Variants in CNTRL observed in about 807,000 individuals in gnomAD.
CNTRL encodes 110 kDa centrosomal protein.
A neutral mutation model predicts 303.7 loss-of-function variants in CNTRL; 233 were observed. The ratio of observed to expected loss-of-function variants is 0.77; its 90% confidence interval spans 0.69 to 0.86. The LOEUF (loss-of-function observed/expected upper bound fraction) is 0.86. Among genes scored for constraint, CNTRL ranks in the 40% least tolerant of loss-of-function variants. The pLI is 0.00. For missense variants in CNTRL, 2,524 were observed against 2,650.6 expected, an observed-to-expected ratio of 0.95 and a Z score of 1.05; for synonymous variants, 900 against 922.2, an observed-to-expected ratio of 0.98 and a Z score of 0.44.
intron 37 of CNTRL, 47 bp downstream of exon 37, chr9:121,167,724 A>C: frequency 6.5e-7 from 1 of 1,531,016 alleles, no homozygotes; most frequent in Non-Finnish European, 8.9e-7. Context: ...TTTGTGGCTC[A>C]TGTGAGCCTA....
intron 14 of CNTRL, among the ~76,000 whole-genome samples, chr9:121,127,675 C>T (rs551094681): frequency 1.5e-4 from 22 of 151,426 alleles, no homozygotes; most frequent in Non-Finnish European, 2.8e-4. Flanking sequence ...TATTATTATA[C>T]TTTAAGTTCT....
At chr9:121,168,660 G>A (rs1470371673) in intron 38 of CNTRL, among the ~76,000 whole-genome samples, 1 of 152,146 alleles carries the variant, frequency 6.6e-6, no homozygotes, top group East Asian at 1.9e-4. Flanking sequence ...CATCTCAAGT[G>A]TCAAAAAAAT....
chr9:121,164,960 A>C lies in CNTRL; in HGVS notation c.5441A>C (p.Glu1814Ala), dbSNP rs765449945. The C allele has an allele frequency of 1.6e-5, 25 of 1,612,652 alleles. No individual in the cohort carries two copies. In the South Asian group the frequency reaches 2.4e-4, roughly 16 times the overall value. ...AQTKRVLAAA[E>A]ENSKMEQSNL... is the part of the protein sequence containing the mutation. The stretch of plus-strand genomic sequence containing the variant: ...TGTGGTAGGGTTTTAGCAGCAGCAG[A>C]AGAAAATAGCAAAATGGAGCAATCA... The change falls in exon 35 of 44, where the codon GAA becomes GCA. Residue 1814 changes from glutamate to alanine, a missense_variant. Glu to Ala is a moderately radical substitution (Grantham distance 107). Coordinates refer to ENST00000373855, the MANE Select transcript of CNTRL (RefSeq NM_007018.6).
At chr9:121,149,202 G>A (rs1388151780) in intron 24 of CNTRL, among the ~76,000 whole-genome samples, 1 of 152,072 alleles carries the variant, frequency 6.6e-6, no homozygotes, top group Non-Finnish European at 1.5e-5. Context: ...CTTGCATCAC[G>A]GCATTAATCT....
In CNTRL at chr9:121,088,453, A is replaced by G; in HGVS notation, c.127A>G (p.Thr43Ala). ...ACTTTCACCTTTGATTGGATCAGAGACTCTACCTTTTCATTCTGGAGGACA... is the reference window on the plus strand; with the variant it reads ...ACTTTCACCTTTGATTGGATCAGAGGCTCTACCTTTTCATTCTGGAGGACA... The part of the protein sequence containing the change: ...RSLSPLIGSE[T>A]LPFHSGGQWC... The change falls in exon 3 of 44, where the codon ACT becomes GCT. Residue 43 changes from threonine to alanine, a missense_variant. Thr to Ala is a moderately conservative substitution (Grantham distance 58, BLOSUM62 0). Coordinates refer to ENST00000373855, the MANE Select transcript of CNTRL (RefSeq NM_007018.6). The G allele has an allele frequency of 3.1e-6, 5 of 1,612,612 alleles. No homozygotes were observed. Among genetic ancestry groups the G allele is most frequent in the African/African-American group, 1.3e-5 (1 of 74,918 alleles).
At chr9:121,090,783 CA>C (rs1329651342) in intron 4 of CNTRL, among the ~76,000 whole-genome samples, 1 of 152,182 alleles carries the variant, frequency 6.6e-6, no homozygotes, top group African/African-American at 2.4e-5. Context: ...CCCGCAAAGC[CA>C]AAAACATTTA....
Position 121,118,407 on chromosome 9 carries a change from A to G in CNTRL, c.1517A>G (p.Asn506Ser). Residue 506 changes from asparagine (N) to serine (S), a missense_variant, in exon 12 of 44, where the codon AAT becomes AGT. By Grantham distance (46) the Asn-to-Ser change is conservative (BLOSUM62 1). Coordinates refer to ENST00000373855, the MANE Select transcript of CNTRL (RefSeq NM_007018.6). ...KQLSGRLQLV[N>S]KLRQEALDLE... ...TTGAGTGGTAGACTACAACTTGTAA[A>G]TAAATTACGCCAGGAAGCTCTGGAT... 1 of 1,612,084 alleles carries G rather than the reference A, an allele frequency of 6.2e-7. No individual in the cohort carries two copies. The highest frequency in any genetic ancestry group is 8.5e-7 in the Non-Finnish European group (1 of 1,178,892).
chr9:121,125,425 C>T (rs2050462780), intron 13 of CNTRL, among the ~76,000 whole-genome samples: 2 of 152,154 alleles, frequency 1.3e-5, no homozygotes. Flanking sequence ...TCCCAAAGTG[C>T]TGGGATTACA....
chr9:121,076,018 T>C (rs2047908310), intron 1 of CNTRL, among the ~76,000 whole-genome samples: 2 of 152,234 alleles, frequency 1.3e-5, no homozygotes, highest in South Asian at 4.1e-4. Context: ...TTAAATTTGG[T>C]ATTGTCTAAG....
chr9:121,125,795 T>C lies in CNTRL; in HGVS notation c.1884T>C (p.Ile628=). ...GGTTGCAAGAATACCTGGGGACCATTAAAGGCCAGGCAACTCAGGCCCAGA... is the reference window on the plus strand; with the variant it reads ...GGTTGCAAGAATACCTGGGGACCATCAAAGGCCAGGCAACTCAGGCCCAGA... ...ISGLQEYLGT[I]KGQATQAQNE... The change falls in exon 14 of 44, where the codon ATT becomes ATC. Residue 628 remains isoleucine (I), a synonymous_variant. Coordinates refer to ENST00000373855, the MANE Select transcript of CNTRL (RefSeq NM_007018.6). 6.2e-7 allele frequency: 1 copy of C among 1,614,132 alleles called. No homozygotes were observed. The highest frequency in any genetic ancestry group is 1.1e-5 in the South Asian group (1 of 91,086).
intron 14 of CNTRL, among the ~76,000 whole-genome samples, chr9:121,130,504 A>G (rs2050790532): frequency 6.6e-6 from 1 of 151,858 alleles, no homozygotes; most frequent in African/African-American, 2.4e-5. Context: ...TATTGCATCT[A>G]TTTGATTCTA....
Position 121,118,539 on chromosome 9 carries a change from A to G in CNTRL, c.1649A>G (p.His550Arg), listed in dbSNP as rs746755532. Residue 550 changes from histidine to arginine, a missense_variant and splice_region_variant, in exon 12 of 44, where the codon CAT (histidine) becomes CGT (arginine). By Grantham distance (29) the His-to-Arg change is conservative (BLOSUM62 0). Transcript: ENST00000373855. ...IDSLDSKDPKHSHMKAQKSGK... is the reference protein window; with the variant it reads ...IDSLDSKDPKRSHMKAQKSGK... ...AGCCTGGATTCCAAAGACCCAAAAC[A>G]TGTGAGTAAATTAAGAAATTTTGAC... The G allele has an allele frequency of 1.9e-6, 3 of 1,580,112 alleles. No homozygotes were observed. The highest frequency in any genetic ancestry group is 1.7e-4 in the Middle Eastern group (1 of 5,880).
chr9:121,169,705 C>T lies in CNTRL; in HGVS notation c.6165C>T (p.Phe2055=), dbSNP rs772980366. The change falls in exon 39 of 44, where the codon TTC becomes TTT. Residue 2055 remains phenylalanine, a synonymous_variant. Transcript: ENST00000373855. ...QKEADSMRAD[F]SLLRNQFLTE... is the part of the protein sequence containing the mutation. Reference sequence around the variant, plus strand: ...AGGCAGATTCTATGAGGGCAGACTTCAGCCTTCTGCGGAACCAGTTCTTGA... The same window carrying T: ...AGGCAGATTCTATGAGGGCAGACTTTAGCCTTCTGCGGAACCAGTTCTTGA... The T allele has an allele frequency of 1.9e-6, 3 of 1,614,076 alleles. No individual in the cohort carries two copies. Among genetic ancestry groups the T allele is most frequent in the Admixed American group, 1.7e-5 (1 of 60,006 alleles).
chr9:121,124,702 CT>C (rs1472536361), intron 13 of CNTRL, among the ~76,000 whole-genome samples: 1 of 149,360 alleles, frequency 6.7e-6, no homozygotes, highest in Admixed American at 6.8e-5. Flanking sequence ...CTTTGGGAGG[CT>C]GAGGCGGGCA....
chr9:121,169,757 G>A lies in CNTRL; in HGVS notation c.6217G>A (p.Val2073Met). The A allele has an allele frequency of 6.2e-7, 1 of 1,614,232 alleles. No individual in the cohort carries two copies. The highest frequency in any genetic ancestry group is 8.5e-7 in the Non-Finnish European group (1 of 1,180,036). Residue 2073 changes from valine (V) to methionine (M), a missense_variant, in exon 39 of 44, where the codon GTG becomes ATG. By Grantham distance (21) the Val-to-Met change is conservative. Coordinates refer to ENST00000373855, the MANE Select transcript of CNTRL (RefSeq NM_007018.6). ...AGAAAGAAAGAAAGCTGAGAAGCAG[G>A]TGGCCAGCCTGAAGGAAGCACTTAA... Reference protein sequence around the residue: ...LTERKKAEKQVASLKEALKIQ... With the variant: ...LTERKKAEKQMASLKEALKIQ...
chr9:121,148,559 C>T, intron 23 of CNTRL, 113 bp from the exon 24 acceptor site: 1 of 952,418 alleles, frequency 1.0e-6, no homozygotes, highest in Non-Finnish European at 1.6e-6. Context: ...TGAAAAGAAG[C>T]CAAGTTCTTT....
intron 36 of CNTRL, 124 bp downstream of exon 36, chr9:121,166,304 T>G: frequency 3.3e-6 from 2 of 607,672 alleles, no homozygotes; most frequent in Non-Finnish European, 5.8e-6. Context: ...GGGCCATTTA[T>G]GTAACATAAC....
intron 12 of CNTRL, chr9:121,121,777 G>A (rs1031409218): frequency 3.5e-5 from 34 of 985,332 alleles, no homozygotes; most frequent in Non-Finnish European, 4.1e-5. Flanking sequence ...CTCACTCTTG[G>A]CCAAGAATGT....
intron 27 of CNTRL, among the ~76,000 whole-genome samples, chr9:121,156,881 G>A (rs2052600061): frequency 6.6e-6 from 1 of 152,184 alleles, no homozygotes; most frequent in Non-Finnish European, 1.5e-5. Flanking sequence ...TACTTCGCTT[G>A]ATAATAACTA....
Sources: gnomAD v4.1 joint callset for allele counts (sites outside exome capture counted in the v4.1 genomes callset) on GRCh38, gnomAD v4.1.1 for gene constraint, MANE v1.5 for transcripts, NCBI Gene and HGNC (gene_info 2026-07-23, HGNC 2026-07-21) for gene names.